Variants in WDR7 observed in about 807,000 individuals in gnomAD.
WDR7 encodes WD repeat-containing protein 7.
In WDR7, 46 loss-of-function variants were observed where a neutral mutation model predicts 169.4. The ratio of observed to expected loss-of-function variants is 0.27; its 90% CI spans 0.21 to 0.35. WDR7 has a LOEUF of 0.35. WDR7 is among the 10% of genes least tolerant of loss of function. WDR7 has a pLI of 1.00. For synonymous variants in WDR7, 612 were observed against 666.8 expected (o/e 0.92, Z 1.27); for missense variants, 1,534 against 1,859.3 (o/e 0.83, Z 3.22).
chr18:56,854,647 C>A lies in WDR7; in HGVS notation c.3305-25297C>A, dbSNP rs1196606894. On this transcript the variant is annotated intron_variant, in intron 20 of 27. Coordinates refer to ENST00000254442, the MANE Select transcript of WDR7 (RefSeq NM_015285.3). ...CCCAGTAAGCCTTATCTGTTCAGAT[C>A]TTCTTGGCCTTTCTATGTAGCGTTT... Among the ~76,000 whole-genome samples, 9 of 152,184 alleles carry A rather than the reference C, an allele frequency of 5.9e-5. No individual in the cohort carries two copies. In the South Asian group the frequency reaches 1.2e-3, roughly 21 times the overall value.
intron 1 of WDR7, among the ~76,000 whole-genome samples, chr18:56,661,742 T>C (rs1272290340): frequency 6.6e-6 from 1 of 152,204 alleles, no homozygotes; most frequent in Non-Finnish European, 1.5e-5. Context: ...CACTTTGTTA[T>C]AAGGAAGCAG....
chr18:56,686,079 A>G (rs775068384), intron 6 of WDR7, 47 bp downstream of exon 6: 1 of 1,506,852 alleles, frequency 6.6e-7, no homozygotes, highest in East Asian at 2.4e-5. Flanking sequence ...TATTCTCTGT[A>G]GCTCAAAATT....
intron 25 of WDR7, among the ~76,000 whole-genome samples, chr18:56,943,010 A>G (rs963202665): frequency 4.6e-5 from 7 of 152,256 alleles, no homozygotes; most frequent in Non-Finnish European, 8.8e-5. Flanking sequence ...GAGCTGCAAT[A>G]GATGATAAAT....
chr18:56,823,855 G>A (rs1197576317), intron 20 of WDR7, among the ~76,000 whole-genome samples: 1 of 152,006 alleles, frequency 6.6e-6, no homozygotes, highest in Non-Finnish European at 1.5e-5. Flanking sequence ...ATCCAGCCTT[G>A]CATTTTTTCT....
At chr18:56,794,304 A>ATTTCTTTTTTTTTTTTTTTT (rs2044543681) in intron 19 of WDR7, among the ~76,000 whole-genome samples, 1 of 49,466 alleles carries the variant, frequency 2.0e-5, no homozygotes, top group African/African-American at 6.6e-5. Context: ...GGTAAAGTCT[A>ATTTCTTTTTTTTTTTTTTTT]TTTTTTTTTT....
intron 3 of WDR7, 32 bp downstream of exon 3, chr18:56,679,470 A>G (rs372189418): frequency 1.9e-6 from 3 of 1,539,382 alleles, no homozygotes; most frequent in Non-Finnish European, 2.7e-6. Context: ...TCTTTTTCTC[A>G]TGAGTCTTTA....
intron 14 of WDR7, among the ~76,000 whole-genome samples, chr18:56,737,313 A>G (rs969679071): frequency 1.3e-5 from 2 of 152,246 alleles, no homozygotes; most frequent in South Asian, 4.1e-4. Flanking sequence ...CATTTGCTAC[A>G]TACATGGTTC....
At chr18:56,930,099 C>T (rs1201744838) in intron 22 of WDR7, among the ~76,000 whole-genome samples, 1 of 152,174 alleles carries the variant, frequency 6.6e-6, no homozygotes, top group African/African-American at 2.4e-5. Context: ...ACTGCCACAG[C>T]TGAGGGACAT....
intron 2 of WDR7, among the ~76,000 whole-genome samples, chr18:56,673,851 C>T (rs1359007490): frequency 1.3e-5 from 2 of 151,338 alleles, no homozygotes; most frequent in South Asian, 2.1e-4. Flanking sequence ...ACTTCTAATA[C>T]TCATTCTCCC....
At chr18:56,834,574 T>C (rs551838554) in intron 20 of WDR7, among the ~76,000 whole-genome samples, 1 of 152,096 alleles carries the variant, frequency 6.6e-6, no homozygotes, top group Admixed American at 6.5e-5. Flanking sequence ...TCCATTTGTA[T>C]GTACTATGTT....
chr18:56,754,279 GTGTGTGTA>G lies in WDR7; in HGVS notation c.1990-2302_1990-2295del, dbSNP rs756508302. Among the ~76,000 whole-genome samples the G allele has an allele frequency of 7.9e-3, 962 of 122,498 alleles. 11 individuals carry two copies. Among genetic ancestry groups the G allele is most frequent in the African/African-American group, 0.025 (885 of 34,946 alleles). The allele number at this position is 122,498 out of a possible 152,430, so 80.4% of individuals were successfully genotyped here. A position where few individuals can be genotyped will look rare whatever the true frequency, so the allele number is the denominator to read the frequency against. ...TGTGTGTGTGTGTGTGTGTGTGTGTGTGTGTGTATATGTGTGTGTGTGTATGTATATAC... is the reference window on the plus strand; with the variant it reads ...TGTGTGTGTGTGTGTGTGTGTGTGTGTATGTGTGTGTGTGTATGTATATAC... On this transcript the variant is annotated intron_variant, in intron 14 of 27. Transcript: ENST00000254442.
intron 21 of WDR7, among the ~76,000 whole-genome samples, chr18:56,908,546 T>TTG (rs1414598716): frequency 3.3e-5 from 5 of 152,056 alleles, no homozygotes; most frequent in Admixed American, 6.5e-5. Context: ...CAAACAAGTA[T>TTG]TGTATATAAT....
At chr18:57,017,589 A>G (rs1446802199) in intron 26 of WDR7, among the ~76,000 whole-genome samples, 1 of 152,012 alleles carries the variant, frequency 6.6e-6, no homozygotes, top group African/African-American at 2.4e-5. Flanking sequence ...AACTCAGTAT[A>G]TGACAGGACT....
chr18:56,867,010 CTTATTTATTTAT>C (rs200285872), intron 20 of WDR7, among the ~76,000 whole-genome samples: 6 of 148,570 alleles, frequency 4.0e-5, no homozygotes, highest in South Asian at 2.1e-4. Context: ...TATTTACTTA[CTTATTTATTTAT>C]TTATTTATTT....
intron 26 of WDR7, among the ~76,000 whole-genome samples, chr18:56,997,391 C>T (rs1046294961): frequency 6.6e-6 from 1 of 152,150 alleles, no homozygotes; most frequent in Non-Finnish European, 1.5e-5. Flanking sequence ...GGGGCATTTA[C>T]TATTTGACTT....
At chr18:56,961,460 G>A (rs938459372) in intron 25 of WDR7, among the ~76,000 whole-genome samples, 24 of 152,004 alleles carry the variant, frequency 1.6e-4, no homozygotes, top group Admixed American at 1.6e-3. Context: ...TAAATATCTA[G>A]GGTAGGCCAC....
At chr18:56,745,860 A>C (rs951858405) in intron 14 of WDR7, among the ~76,000 whole-genome samples, 2 of 152,180 alleles carry the variant, frequency 1.3e-5, no homozygotes, top group Non-Finnish European at 2.9e-5. Context: ...TCCTACTTTG[A>C]ATCCTTTTAC....
chr18:56,909,850 G>A (rs1469762751), intron 21 of WDR7, among the ~76,000 whole-genome samples: 1 of 152,100 alleles, frequency 6.6e-6, no homozygotes, highest in Non-Finnish European at 1.5e-5. Flanking sequence ...TAAAAGAGGA[G>A]TTATATTTGA....
chr18:56,690,029 T>C (rs1380740756), intron 7 of WDR7, among the ~76,000 whole-genome samples: 3 of 152,200 alleles, frequency 2.0e-5, no homozygotes, highest in African/African-American at 7.2e-5. Context: ...ATAAAACCTC[T>C]GATCTATTGA....
Sources: gnomAD v4.1 joint callset for allele counts (sites outside exome capture counted in the v4.1 genomes callset) on GRCh38, gnomAD v4.1.1 for gene constraint, MANE v1.5 for transcripts, NCBI Gene and HGNC (gene_info 2026-07-23, HGNC 2026-07-21) for gene names.